RASA1: variants seen among roughly 807,000 people sequenced by gnomAD.
The protein encoded by RASA1 is RAS p21 protein activator 1, also known as ras GTPase-activating protein 1.
A neutral mutation model predicts 132.2 loss-of-function variants in RASA1; 25 were observed. The ratio of observed to expected loss-of-function variants is 0.19; its 90% CI spans 0.14 to 0.26. The LOEUF is 0.26. Ranked by LOEUF, RASA1 falls within the 10% of genes least tolerant of loss-of-function variation. The pLI, the probability that RASA1 is intolerant of heterozygous loss-of-function variation, is 1.00. For synonymous variants in RASA1, 477 were observed against 449.9 expected, an observed-to-expected ratio of 1.06 and a Z score of -0.76; for missense variants, 964 against 1,299.2, an observed-to-expected ratio of 0.74 and a Z score of 3.97.
intron 10 of RASA1, 49 bp downstream of exon 10, chr5:87,362,720 T>TA (rs1436437298): frequency 1.3e-6 from 2 of 1,572,924 alleles, no homozygotes; most frequent in Non-Finnish European, 1.7e-6. Flanking sequence ...ACGTTGTAAA[T>TA]ATGGAGCTCC....
intron 1 of RASA1, among the ~76,000 whole-genome samples, chr5:87,273,548 A>G (rs1162584548): frequency 6.6e-6 from 1 of 152,080 alleles, no homozygotes; most frequent in Non-Finnish European, 1.5e-5. Context: ...ACCATCAGTT[A>G]TATGTAGAGA....
intron 1 of RASA1, among the ~76,000 whole-genome samples, chr5:87,315,374 C>T (rs772001918): frequency 5.9e-5 from 9 of 152,152 alleles, no homozygotes; most frequent in Non-Finnish European, 1.0e-4. Context: ...GTCTCTCCTT[C>T]TCTTATAAAA....
chr5:87,381,113 TATC>T (rs1761684195), intron 20 of RASA1, among the ~76,000 whole-genome samples: 1 of 152,174 alleles, frequency 6.6e-6, no homozygotes, highest in South Asian at 2.1e-4. Flanking sequence ...GGGACTTCAT[TATC>T]ATTATTCTAT....
At chr5:87,359,069 G>A (rs1403798689) in intron 9 of RASA1, among the ~76,000 whole-genome samples, 1 of 152,110 alleles carries the variant, frequency 6.6e-6, no homozygotes, top group Non-Finnish European at 1.5e-5. Context: ...TCCCTGGTTA[G>A]AATACAAGTT....
chr5:87,378,493 G>A lies in RASA1; in HGVS notation c.2442G>A (p.Leu814=). ...CTACACAGTTTGTTCATCATGCTTT[G>A]AAAGACTCTATTTTAAAGATAATGG... ...ATATQFVHHA[L]KDSILKIMES... is the part of the protein sequence containing the mutation. Residue 814 remains leucine, a synonymous_variant, in exon 18 of 25, where the codon TTG becomes TTA. Transcript: ENST00000274376. The A allele has an allele frequency of 6.2e-7, 1 of 1,611,788 alleles. No individual in the cohort carries two copies.
At chr5:87,361,307 A>G (rs1046406083) in intron 9 of RASA1, among the ~76,000 whole-genome samples, 6 of 152,114 alleles carry the variant, frequency 3.9e-5, no homozygotes, top group African/African-American at 1.2e-4. Flanking sequence ...TCATTCTTCT[A>G]TTTTCTTATT....
intron 1 of RASA1, among the ~76,000 whole-genome samples, chr5:87,295,726 G>C (rs1362572420): frequency 2.0e-5 from 3 of 151,766 alleles, no homozygotes; most frequent in African/African-American, 7.3e-5. Flanking sequence ...TGCCCAGGCC[G>C]GTCTCAAATT....
Position 87,331,008 on chromosome 5 carries a change from G to T in RASA1, c.540-340G>T, listed in dbSNP as rs3789175. 1.5e-3 allele frequency: 2,049 copies of T among 1,386,892 alleles called. 15 individuals carry two copies. The highest frequency in any genetic ancestry group is 0.014 in the East Asian group (553 of 39,620). The allele number at this position is 1,386,892 out of a possible 1,614,324, so 85.9% of individuals were successfully genotyped here. ...GGTAGTAAATTAATCATTTCCATTT[G>T]TCTATCTTTTATTTTTCTAAGTAAA... On this transcript the variant is annotated intron_variant, in intron 1 of 24. Transcript: ENST00000274376.
chr5:87,297,529 A>G (rs1755176045), intron 1 of RASA1, among the ~76,000 whole-genome samples: 1 of 152,216 alleles, frequency 6.6e-6, no homozygotes, highest in Admixed American at 6.5e-5. Context: ...CAGAATGGTT[A>G]GAAAGGACTG....
intron 1 of RASA1, among the ~76,000 whole-genome samples, chr5:87,319,095 C>T (rs1017898118): frequency 3.9e-5 from 6 of 152,218 alleles, no homozygotes; most frequent in East Asian, 1.9e-4. Flanking sequence ...ATCCAGGGCA[C>T]GCTGATGCAA....
chr5:87,367,804 G>T (rs913828420), intron 11 of RASA1, among the ~76,000 whole-genome samples: 29 of 152,030 alleles, frequency 1.9e-4, no homozygotes, highest in African/African-American at 6.8e-4. Flanking sequence ...TTTAAAGATG[G>T]TTTTCTGCCT....
At chr5:87,358,436 C>G (rs1436689673) in intron 9 of RASA1, among the ~76,000 whole-genome samples, 2 of 152,058 alleles carry the variant, frequency 1.3e-5, no homozygotes, top group Non-Finnish European at 2.9e-5. Flanking sequence ...CTTAAATCAT[C>G]CTCAATTCTT....
At chr5:87,344,153 T>C (rs1427277003) in intron 6 of RASA1, among the ~76,000 whole-genome samples, 1 of 152,156 alleles carries the variant, frequency 6.6e-6, no homozygotes, top group Non-Finnish European at 1.5e-5. Flanking sequence ...TCTAATTTAC[T>C]GGATATTTAA....
intron 9 of RASA1, among the ~76,000 whole-genome samples, chr5:87,355,970 T>A (rs571279521): frequency 3.9e-5 from 6 of 152,348 alleles, no homozygotes; most frequent in African/African-American, 1.4e-4. Flanking sequence ...ACTCCACTTT[T>A]GTGATGAAAC....
chr5:87,367,360 G>C lies in RASA1; in HGVS notation c.1611-2453G>C, dbSNP rs547480755. ...TAATGCCAGGCATTGAACATTTCCT[G>C]CTTTGTGTACACATAGAACCTGATA... On this transcript the variant is annotated intron_variant, in intron 11 of 24. Transcript: ENST00000274376. Among the ~76,000 whole-genome samples the C allele has an allele frequency of 2.3e-4, 35 of 152,268 alleles. 1 individual carries two copies. In the South Asian group the frequency reaches 5.2e-3, roughly 23 times the overall value.
At chr5:87,275,014 C>T (rs111819924) in intron 1 of RASA1, among the ~76,000 whole-genome samples, 4 of 152,212 alleles carry the variant, frequency 2.6e-5, no homozygotes, top group African/African-American at 9.6e-5. Context: ...CATTGATTAG[C>T]CACTCTGGGG....
At chr5:87,376,209 G>A in intron 15 of RASA1, 184 bp from the exon 16 acceptor site, 1 of 682,822 alleles carries the variant, frequency 1.5e-6, no homozygotes, top group Non-Finnish European at 2.5e-6. Context: ...ACCTATCAGA[G>A]TTTAGTGCAC....
At chr5:87,324,348 T>G (rs1236544924) in intron 1 of RASA1, among the ~76,000 whole-genome samples, 6 of 151,686 alleles carry the variant, frequency 4.0e-5, no homozygotes, top group African/African-American at 1.5e-4. Context: ...AGAGGTGTGG[T>G]TTTTTTTCTT....
chr5:87,358,191 G>C (rs904770878), intron 9 of RASA1, among the ~76,000 whole-genome samples: 3 of 152,188 alleles, frequency 2.0e-5, no homozygotes, highest in African/African-American at 7.2e-5. Context: ...GTCCTAGCTA[G>C]CTTTGCTTAC....
Sources: allele counts gnomAD v4.1 joint callset (sites outside exome capture counted in the v4.1 genomes callset), GRCh38; gene constraint gnomAD v4.1.1; transcripts MANE v1.5; gene names NCBI Gene and HGNC (gene_info 2026-07-23, HGNC 2026-07-21).